The following EPHX3 variants were observed in gnomAD, a reference collection of about 807,000 sequenced individuals.
EPHX3 encodes epoxide hydrolase 3, also known as abhydrolase domain containing 9.
EPHX3 carries 39 observed loss-of-function variants against 40.2 expected under a neutral mutation model. The ratio of observed to expected loss-of-function variants is 0.97; its 90% CI spans 0.75 to 1.27. The LOEUF is 1.27. Among genes scored for constraint, EPHX3 ranks in the 50% most tolerant of loss-of-function variants. The pLI is 0.00. For synonymous variants in EPHX3, 213 were observed against 209.7 expected (o/e 1.02, Z -0.14); for missense variants, 442 against 474.0 (o/e 0.93, Z 0.63).
In EPHX3 at chr19:15,227,384, G is replaced by T; in HGVS notation, c.*53C>A. The T allele has an allele frequency of 7.1e-7, 1 of 1,411,218 alleles. No individual in the cohort carries two copies. The highest frequency in any genetic ancestry group is 1.0e-6 in the Non-Finnish European group (1 of 997,250). 87.4% of individuals were successfully genotyped at this position (1,411,218 alleles called of 1,614,324 possible). ...ACTCCCAGGCACACACAGATAATGG[G>T]TGTGTGTTCCTTCCTGAGTATCCAT... is the stretch of plus-strand genomic sequence containing the variant. On this transcript the variant is annotated 3_prime_UTR_variant, in exon 7 of 7. Coordinates refer to ENST00000221730, the MANE Select transcript of EPHX3 (RefSeq NM_024794.3).
In EPHX3 at chr19:15,226,996, G is replaced by T; in HGVS notation, c.*441C>A. ...AAGCTGAAGTAGCCAAATGTGGTCA[G>T]CAGTATTGTATTCAGAGTAGCACTG... On this transcript the variant is annotated 3_prime_UTR_variant, in exon 7 of 7. Coordinates refer to ENST00000221730, the MANE Select transcript of EPHX3 (RefSeq NM_024794.3). 5.6e-6 allele frequency: 1 copy of T among 180,044 alleles called. No individual in the cohort carries two copies. Among genetic ancestry groups the T allele is most frequent in the Admixed American group, 5.5e-5 (1 of 18,142 alleles). 11.2% of individuals were successfully genotyped at this position (180,044 alleles called of 1,614,324 possible). A position where few individuals can be genotyped will look rare whatever the true frequency, so the allele number is the denominator to read the frequency against.
Position 15,227,885 on chromosome 19 carries a change from T to G in EPHX3, c.743A>C (p.His248Pro). The G allele has an allele frequency of 6.2e-7, 1 of 1,613,926 alleles. No homozygotes were observed. Among genetic ancestry groups the G allele is most frequent in the Non-Finnish European group, 8.5e-7 (1 of 1,179,968 alleles). Residue 248 changes from histidine to proline, a missense_variant, in exon 6 of 7, where the codon CAC becomes CCC. Transcript: ENST00000221730. ...CAAGCATGGGATGCCTGTCTTGCGG[T>G]GGGTGAGGGTGGTCTTCAGAATCTA... is the stretch of plus-strand genomic sequence containing the variant. ...DFQILKTTLT[H>P]RKTGIPCLTP...
rs1261279900 is a variant in EPHX3 at position 15,232,107 on chromosome 19, G to T, written c.105C>A (p.Ala35=). The change falls in exon 1 of 7, where the codon GCC becomes GCA. Residue 35 remains alanine, a synonymous_variant. Coordinates refer to ENST00000221730, the MANE Select transcript of EPHX3 (RefSeq NM_024794.3). ...GCGCTATGCAGCCGTAGACCGCCGCGGCCACCAGCGCCACCGAGAACACCA... is the reference window on the plus strand; with the variant it reads ...GCGCTATGCAGCCGTAGACCGCCGCTGCCACCAGCGCCACCGAGAACACCA... ...WSLVFSVALV[A]AAVYGCIALT... The T allele has an allele frequency of 6.7e-7, 1 of 1,498,792 alleles. No homozygotes were observed. Among genetic ancestry groups the T allele is most frequent in the Non-Finnish European group, 8.8e-7 (1 of 1,130,868 alleles). 92.8% of individuals were successfully genotyped at this position (1,498,792 alleles called of 1,614,324 possible). A position where few individuals can be genotyped will look rare whatever the true frequency, so the allele number is the denominator to read the frequency against.
upstream of EPHX3, chr19:15,236,809 C>G (rs2047195126): frequency 5.6e-6 from 1 of 179,850 alleles, no homozygotes; most frequent in Non-Finnish European, 1.2e-5. Flanking sequence ...ACAGTTGGTT[C>G]ACAAAGAAAT....
chr19:15,235,490 T>G (rs2047185886), upstream of EPHX3: 1 of 141,438 alleles, frequency 7.1e-6, no homozygotes, highest in Admixed American at 7.4e-5. Context: ...AAGTCTACCC[T>G]CAAACAAAAA....
At chr19:15,235,253 AC>A (rs1019235419), upstream of EPHX3, among the ~76,000 whole-genome samples, 11 of 151,288 alleles carry the variant, frequency 7.3e-5, no homozygotes, top group Admixed American at 1.3e-4. Flanking sequence ...CGATCCTCCC[AC>A]CCCGGCCTCC....
chr19:15,228,548 T>A, intron 4 of EPHX3, among the ~76,000 whole-genome samples: 1 of 133,188 alleles, frequency 7.5e-6, no homozygotes, highest in South Asian at 2.6e-4. Flanking sequence ...AGACAGAGTC[T>A]CGCTCTGTCG....
intron 5 of EPHX3, 41 bp downstream of exon 5, chr19:15,227,956 C>G (rs756576829): frequency 7.4e-6 from 12 of 1,614,058 alleles, no homozygotes; most frequent in Non-Finnish European, 9.3e-6. Context: ...TGCCCAGCCC[C>G]GACCTGCTTC....
Position 15,227,675 on chromosome 19 carries a change from C to T in EPHX3, c.858-13G>A. 6.2e-7 allele frequency: 1 copy of T among 1,611,984 alleles called. No individual in the cohort carries two copies. Among genetic ancestry groups the T allele is most frequent in the Non-Finnish European group, 8.5e-7 (1 of 1,179,072 alleles). On this transcript the variant is annotated splice_polypyrimidine_tract_variant and intron_variant, in intron 6 of 6. Coordinates refer to ENST00000221730, the MANE Select transcript of EPHX3 (RefSeq NM_024794.3). Reference sequence around the variant, plus strand: ...CAGGGGGAAGTTCCTGTGGCCAGGACAGACAGACAGGCAGACAGACAGGCA... The same window carrying T: ...CAGGGGGAAGTTCCTGTGGCCAGGATAGACAGACAGGCAGACAGACAGGCA...
At chr19:15,233,622 T>C (rs1029272577), upstream of EPHX3, among the ~76,000 whole-genome samples, 5 of 152,198 alleles carry the variant, frequency 3.3e-5, no homozygotes, top group Admixed American at 3.3e-4. Flanking sequence ...ATACCCTGAT[T>C]CCTAGGGGGC....
upstream of EPHX3, chr19:15,235,586 T>C (rs1011850140): frequency 6.6e-6 from 1 of 151,984 alleles, no homozygotes; most frequent in Non-Finnish European, 1.5e-5. Flanking sequence ...AAAAAACCTT[T>C]CGTATGTAAG....
At chr19:15,236,544 G>A (rs963339386), upstream of EPHX3, 1 of 152,786 alleles carries the variant, frequency 6.5e-6, no homozygotes, top group African/African-American at 2.4e-5. Context: ...GGAGTAGGGT[G>A]GAGGGGAAGA....
rs2047116579 is a variant in EPHX3, at chr19:15,226,962, C to A, written c.*475G>T. On this transcript the variant is annotated 3_prime_UTR_variant, in exon 7 of 7. Coordinates refer to ENST00000221730, the MANE Select transcript of EPHX3 (RefSeq NM_024794.3). ...TTTCATTGTATTTCATTTCAATTAA[C>A]ATACATTTAAGCTGAAGTAGCCAAA... 2.4e-5 allele frequency: 4 copies of A among 164,744 alleles called. No homozygotes were observed. The highest frequency in any genetic ancestry group is 2.3e-4 in the Admixed American group (4 of 17,252). 10.2% of individuals were successfully genotyped at this position (164,744 alleles called of 1,614,324 possible). A position where few individuals can be genotyped will look rare whatever the true frequency, so the allele number is the denominator to read the frequency against.
At chr19:15,233,605 G>A (rs1355834417), upstream of EPHX3, among the ~76,000 whole-genome samples, 1 of 152,270 alleles carries the variant, frequency 6.6e-6, no homozygotes, top group African/African-American at 2.4e-5. Context: ...GGGCCGAGGA[G>A]GCGTGGATAC....
At position 15,228,503 on chromosome 19, in the gene EPHX3, ATTTTTTTTTTTTTTTTTTTTTT is replaced by A. The variant is rs780716729; in HGVS notation, c.617-425_617-404del. ...ACTTAAGGAAACCCCTGTATCTATA[ATTTTTTTTTTTTTTTTTTTTTT>A]TTTTTTTTTTTGAGACAGAGTCTCG... On this transcript the variant is annotated intron_variant, in intron 4 of 6. Coordinates refer to ENST00000221730, the MANE Select transcript of EPHX3 (RefSeq NM_024794.3). 1.3e-4 allele frequency among the ~76,000 whole-genome samples: 8 copies of A among 62,742 alleles called. No homozygotes were observed. The East Asian group carries it at 4.6e-3, about 36-fold the overall frequency. The allele number at this position is 62,742 out of a possible 152,430, so 41.2% of individuals were successfully genotyped here.
chr19:15,231,480 A>G, intron 2 of EPHX3, 84 bp from the exon 3 acceptor site: 1 of 1,500,616 alleles, frequency 6.7e-7, no homozygotes, highest in Admixed American at 2.1e-5. Flanking sequence ...CCATTGGCAA[A>G]CCCTCCTTCC....
At chr19:15,236,995 C>T (rs1458066392), upstream of EPHX3, 8 of 200,924 alleles carry the variant, frequency 4.0e-5, no homozygotes, top group Non-Finnish European at 6.0e-5. Context: ...GTAACCTCAC[C>T]AGGGGCTCCA....
intron 4 of EPHX3, 86 bp from the exon 5 acceptor site, chr19:15,228,186 G>T: frequency 9.2e-7 from 1 of 1,086,066 alleles, no homozygotes; most frequent in Non-Finnish European, 1.3e-6. Flanking sequence ...ACCCAGGTCA[G>T]GGACACAAGC....
chr19:15,231,151 G>A (rs1353214815), intron 3 of EPHX3, 61 bp from the exon 4 acceptor site: 7 of 1,612,532 alleles, frequency 4.3e-6, no homozygotes, highest in Non-Finnish European at 5.9e-6. Context: ...GCAGGGATGG[G>A]GGAAGTAGGT....
Sources: allele counts gnomAD v4.1 joint callset (sites outside exome capture counted in the v4.1 genomes callset), GRCh38; gene constraint gnomAD v4.1.1; transcripts MANE v1.5; gene names NCBI Gene and HGNC (gene_info 2026-07-23, HGNC 2026-07-21).